The following PRKN variants were observed in gnomAD, a reference collection of about 807,000 sequenced individuals.
The protein encoded by PRKN is E3 ubiquitin-protein ligase parkin.
Under a neutral mutation model 59.5 loss-of-function variants are expected in PRKN, and 56 were observed. The observed-to-expected ratio is 0.94, with a 90% CI of 0.76 to 1.18. The LOEUF is 1.18. PRKN is among the 50% of genes most tolerant of loss of function. The pLI is 0.00. For synonymous variants in PRKN, 250 were observed against 222.1 expected, an observed-to-expected ratio of 1.13 and a Z score of -1.12; for missense variants, 657 against 596.4, an observed-to-expected ratio of 1.10 and a Z score of -1.06.
intron 2 of PRKN, among the ~76,000 whole-genome samples, chr6:162,397,862 C>T (rs1219978408): frequency 6.6e-6 from 1 of 151,820 alleles, no homozygotes; most frequent in Non-Finnish European, 1.5e-5. Context: ...TGTAGTGAAA[C>T]CCCATCTCTA....
chr6:161,536,625 G>A (rs959418783), intron 9 of PRKN, among the ~76,000 whole-genome samples: 3 of 152,152 alleles, frequency 2.0e-5, no homozygotes, highest in African/African-American at 7.2e-5. Flanking sequence ...CAGGGAAGGT[G>A]CATAGCCTAT....
chr6:161,622,380 C>A (rs1270760655), intron 7 of PRKN, among the ~76,000 whole-genome samples: 1 of 152,160 alleles, frequency 6.6e-6, no homozygotes, highest in African/African-American at 2.4e-5. Flanking sequence ...ACCAGGCCTG[C>A]CCCTTTCCAG....
rs563420226 is a variant in PRKN at position 161,833,015 on chromosome 6, T to C, written c.735-47107A>G. 7.9e-5 allele frequency among the ~76,000 whole-genome samples: 12 copies of C among 152,182 alleles called. No individual in the cohort carries two copies. In the East Asian group the frequency reaches 2.3e-3, roughly 29 times the overall value. On this transcript the variant is annotated intron_variant, in intron 6 of 11. Coordinates refer to ENST00000366898, the MANE Select transcript of PRKN (RefSeq NM_004562.3). ...TATTACTATGATCCCCAGGCTGCAG[T>C]CAATAGGAAGCCTCATGAGACACAC... is the stretch of plus-strand genomic sequence containing the variant.
rs1786920681 is a variant in PRKN at position 161,399,354 on chromosome 6, C to T, written c.1084-12477G>A. Among the ~76,000 whole-genome samples, 1 of 152,208 alleles carries T rather than the reference C, an allele frequency of 6.6e-6. No individual in the cohort carries two copies. The highest frequency in any genetic ancestry group is 1.5e-5 in the Non-Finnish European group (1 of 68,046). The stretch of plus-strand genomic sequence containing the variant: ...CCCTTGCAAAAAGGCAGAGGGTCCA[C>T]TGAGCTGTTTAACACTTAAGCTGTC... On this transcript the variant is annotated intron_variant, in intron 9 of 11. Coordinates refer to ENST00000366898, the MANE Select transcript of PRKN (RefSeq NM_004562.3). The surrounding 1 kb of genome is among the most constrained non-coding windows in gnomAD (Gnocchi z 4.4).
At chr6:161,667,577 T>A (rs1445586427) in intron 7 of PRKN, among the ~76,000 whole-genome samples, 2 of 152,238 alleles carry the variant, frequency 1.3e-5, no homozygotes, top group Non-Finnish European at 2.9e-5. Flanking sequence ...TACAGCCAAC[T>A]ATAAACTCCT....
At chr6:161,556,089 A>G (rs1780228337) in intron 8 of PRKN, among the ~76,000 whole-genome samples, 1 of 152,218 alleles carries the variant, frequency 6.6e-6, no homozygotes, top group African/African-American at 2.4e-5. Flanking sequence ...AACAATTTAG[A>G]AATTCTTGTT....
intron 1 of PRKN, among the ~76,000 whole-genome samples, chr6:162,711,017 C>T (rs773143421): frequency 6.6e-6 from 1 of 152,198 alleles, no homozygotes; most frequent in Admixed American, 6.5e-5. Flanking sequence ...GGAAACAGAG[C>T]TGCTGGTTCA....
chr6:162,333,581 T>C (rs889429542), intron 2 of PRKN, among the ~76,000 whole-genome samples: 2 of 152,202 alleles, frequency 1.3e-5, no homozygotes, highest in Non-Finnish European at 2.9e-5. Context: ...AGCAAACTTA[T>C]AAATGTTACA....
At chr6:162,278,948 A>C (rs1196496995) in intron 2 of PRKN, among the ~76,000 whole-genome samples, 1 of 152,128 alleles carries the variant, frequency 6.6e-6, no homozygotes, top group Non-Finnish European at 1.5e-5. Context: ...TATTTGCTAT[A>C]AATAGATTTT....
chr6:161,871,216 A>G (rs1227102190), intron 6 of PRKN, among the ~76,000 whole-genome samples: 1 of 152,130 alleles, frequency 6.6e-6, no homozygotes, highest in Non-Finnish European at 1.5e-5. Flanking sequence ...AAAATACACC[A>G]TCACAGAATG....
chr6:162,515,638 T>C (rs916772391), intron 1 of PRKN, among the ~76,000 whole-genome samples: 1 of 152,096 alleles, frequency 6.6e-6, no homozygotes, highest in Non-Finnish European at 1.5e-5. Context: ...TTGAAATGAG[T>C]TGGTTATCGG....
At chr6:162,087,370 T>G (rs973038654) in intron 4 of PRKN, among the ~76,000 whole-genome samples, 8 of 152,082 alleles carry the variant, frequency 5.3e-5, no homozygotes, top group African/African-American at 1.7e-4. Flanking sequence ...GAGAATGCCC[T>G]TAAGGAAAGG....
chr6:161,833,334 T>C (rs1243883315), intron 6 of PRKN, among the ~76,000 whole-genome samples: 1 of 152,224 alleles, frequency 6.6e-6, no homozygotes, highest in East Asian at 1.9e-4. Flanking sequence ...CCTAATCCTC[T>C]TGCTTAATGT....
intron 1 of PRKN, among the ~76,000 whole-genome samples, chr6:162,452,797 A>G (rs1405200776): frequency 7.7e-6 from 1 of 130,020 alleles, no homozygotes; most frequent in Non-Finnish European, 1.6e-5. Flanking sequence ...AAAGGCAGGG[A>G]CTACGTGGAC....
At chr6:162,583,344 AG>A (rs2128211864) in intron 1 of PRKN, among the ~76,000 whole-genome samples, 1 of 152,334 alleles carries the variant, frequency 6.6e-6, no homozygotes, top group Non-Finnish European at 1.5e-5. Flanking sequence ...TATAGGGTTT[AG>A]AGTTAGCTTC....
chr6:161,840,592 C>T (rs1015659254), intron 6 of PRKN, among the ~76,000 whole-genome samples: 1 of 152,106 alleles, frequency 6.6e-6, no homozygotes, highest in Admixed American at 6.6e-5. Context: ...TGAGCCTCTC[C>T]CTCCTCCCAC....
At chr6:162,204,673 G>A (rs1784858853) in intron 3 of PRKN, among the ~76,000 whole-genome samples, 1 of 150,792 alleles carries the variant, frequency 6.6e-6, no homozygotes, top group African/African-American at 2.4e-5. Flanking sequence ...CTTATGTAAT[G>A]ATTTTGCAAA....
chr6:161,935,348 T>A (rs1307542824), intron 6 of PRKN, among the ~76,000 whole-genome samples: 1 of 151,494 alleles, frequency 6.6e-6, no homozygotes, highest in African/African-American at 2.4e-5. Flanking sequence ...AGCCCAGGAG[T>A]TTGAGATCAG....
At chr6:161,977,692 C>T (rs902961995) in intron 5 of PRKN, among the ~76,000 whole-genome samples, 7 of 151,282 alleles carry the variant, frequency 4.6e-5, no homozygotes, top group Non-Finnish European at 8.9e-5. Flanking sequence ...GACCACAAGG[C>T]GCCCGCCACC....
Sources: gnomAD v4.1 joint callset for allele counts (sites outside exome capture counted in the v4.1 genomes callset) on GRCh38, gnomAD v4.1.1 for gene constraint, Gnocchi (gnomAD v3.1) non-coding constraint, MANE v1.5 for transcripts, NCBI Gene and HGNC (gene_info 2026-07-23, HGNC 2026-07-21) for gene names.